Variants in PCDH11X observed in about 807,000 individuals in gnomAD.
PCDH11X encodes protocadherin 11 X-linked, also known as protocadherin-11 X-linked.
PCDH11X carries 18 observed loss-of-function variants against 53.3 expected under a neutral mutation model. The observed-to-expected ratio is 0.34, with a 90% CI of 0.23 to 0.50. The LOEUF (loss-of-function observed/expected upper bound fraction) is 0.50, where lower values mean the gene tolerates loss of function less well. Among genes scored for constraint, PCDH11X ranks in the 20% least tolerant of loss-of-function variants. The pLI is 0.98. For synonymous variants in PCDH11X, 279 were observed against 393.3 expected (o/e 0.71, Z 3.44); for missense variants, 570 against 1,032.4 (o/e 0.55, Z 6.14).
At chrX:92,067,048 G>A (rs1289130750) in intron 6 of PCDH11X, among the ~76,000 whole-genome samples, 6 of 112,309 alleles carry the variant, frequency 5.3e-5, no homozygotes, top group Non-Finnish European at 9.4e-5. Flanking sequence ...AGGTTGCAGT[G>A]AGCCAGGCTC....
At chrX:92,210,914 T>C (rs1569422892) in intron 7 of PCDH11X, among the ~76,000 whole-genome samples, 1 of 111,780 alleles carries the variant, frequency 8.9e-6, no homozygotes. Flanking sequence ...TATCCACATT[T>C]TGGCCACAAC....
chrX:91,874,512 A>T (rs1169625603), intron 5 of PCDH11X, among the ~76,000 whole-genome samples: 9 of 110,264 alleles, frequency 8.2e-5, no homozygotes. Flanking sequence ...CTCTTGTGAA[A>T]TTTTTTTTTA....
At chrX:91,923,894 T>TG (rs1265016621) in intron 6 of PCDH11X, among the ~76,000 whole-genome samples, 4 of 109,164 alleles carry the variant, frequency 3.7e-5, no homozygotes, top group African/African-American at 1.3e-4. Context: ...ACTACTAGAG[T>TG]GGGGGGGAGC....
chrX:91,990,370 G>A (rs2062302487), intron 6 of PCDH11X, among the ~76,000 whole-genome samples: 1 of 98,427 alleles, frequency 1.0e-5, no homozygotes, highest in Admixed American at 1.1e-4. Context: ...TTGTTTCAAT[G>A]TGTTTGTGGT....
intron 6 of PCDH11X, among the ~76,000 whole-genome samples, chrX:92,051,069 G>A (rs191640424): frequency 5.4e-4 from 60 of 111,952 alleles, no homozygotes; most frequent in Non-Finnish European, 1.0e-3. Context: ...CAAATCATGA[G>A]TTACAGGATT....
At chrX:92,285,921 C>G (rs1245101584) in intron 8 of PCDH11X, among the ~76,000 whole-genome samples, 1 of 111,784 alleles carries the variant, frequency 8.9e-6, no homozygotes, top group African/African-American at 3.3e-5. Context: ...AGGGATGGGC[C>G]GAAACAAAGG....
At chrX:91,996,007 A>AT (rs1427072097) in intron 6 of PCDH11X, among the ~76,000 whole-genome samples, 2 of 104,984 alleles carry the variant, frequency 1.9e-5, no homozygotes, top group Non-Finnish European at 3.9e-5. Flanking sequence ...CGCCTGGCTA[A>AT]TTTTTTGTAT....
At chrX:92,042,540 A>G (rs1014727001) in intron 6 of PCDH11X, among the ~76,000 whole-genome samples, 1 of 105,725 alleles carries the variant, frequency 9.5e-6, no homozygotes, top group African/African-American at 3.5e-5. Flanking sequence ...TTTTCTCTCA[A>G]TGAACTACAT....
intron 10 of PCDH11X, among the ~76,000 whole-genome samples, chrX:92,515,705 C>A (rs1208745203): frequency 9.0e-6 from 1 of 110,709 alleles, no homozygotes; most frequent in Non-Finnish European, 1.9e-5. Context: ...ATGTTTCCAT[C>A]AAAAAAGGGT....
chrX:92,369,197 C>T (rs1229002826), intron 8 of PCDH11X, among the ~76,000 whole-genome samples: 1 of 108,686 alleles, frequency 9.2e-6, no homozygotes, highest in Middle Eastern at 4.2e-3. Flanking sequence ...GTTGCCTTTC[C>T]TTCAGAGATG....
At chrX:91,949,814 A>G (rs985510471) in intron 6 of PCDH11X, among the ~76,000 whole-genome samples, 4 of 108,958 alleles carry the variant, frequency 3.7e-5, no homozygotes, top group African/African-American at 1.0e-4. Context: ...AATTGGTACT[A>G]TAAAATTTCA....
At chrX:92,205,926 C>T (rs1166061215) in intron 7 of PCDH11X, among the ~76,000 whole-genome samples, 1 of 111,713 alleles carries the variant, frequency 9.0e-6, no homozygotes, top group Non-Finnish European at 1.9e-5. Context: ...TTTATCTAAC[C>T]AAGTAGTTAT....
At chrX:92,259,561 G>A (rs1308671919) in intron 7 of PCDH11X, among the ~76,000 whole-genome samples, 2 of 111,612 alleles carry the variant, frequency 1.8e-5, no homozygotes, top group Non-Finnish European at 3.8e-5. Context: ...CCATTCACAA[G>A]AACGCCATTT....
chrX:92,142,370 G>GCGCACACACACACA (rs1341736624), intron 6 of PCDH11X, among the ~76,000 whole-genome samples: 1 of 95,571 alleles, frequency 1.0e-5, no homozygotes, highest in African/African-American at 4.0e-5. Flanking sequence ...GTGCGCGCGC[G>GCGCACACACACACA]CACACACACA....
intron 7 of PCDH11X, among the ~76,000 whole-genome samples, chrX:92,212,699 G>A (rs1339691899): frequency 1.8e-5 from 2 of 111,571 alleles, no homozygotes; most frequent in East Asian, 5.7e-4. Flanking sequence ...AATTCACTGG[G>A]GTCACAAAAT....
intron 1 of PCDH11X, among the ~76,000 whole-genome samples, chrX:91,802,147 AGTT>A (rs931400758): frequency 4.4e-5 from 5 of 113,104 alleles, no homozygotes; most frequent in African/African-American, 1.6e-4. Flanking sequence ...TGTCTATCTA[AGTT>A]GTTGTTGGCA....
chrX:92,556,584 A>G (rs970657660), intron 10 of PCDH11X, among the ~76,000 whole-genome samples: 1 of 111,939 alleles, frequency 8.9e-6, no homozygotes, highest in Non-Finnish European at 1.9e-5. Context: ...GTGGACTCTC[A>G]TGGTCTTAGG....
chrX:92,507,966 C>A (rs1483368662), intron 10 of PCDH11X, among the ~76,000 whole-genome samples: 1 of 109,146 alleles, frequency 9.2e-6, no homozygotes, highest in Non-Finnish European at 1.9e-5. Flanking sequence ...GCGCCCGCCA[C>A]CATACATGAC....
At chrX:92,258,517 G>A (rs920683154) in intron 7 of PCDH11X, among the ~76,000 whole-genome samples, 16 of 109,689 alleles carry the variant, frequency 1.5e-4, no homozygotes, top group African/African-American at 4.3e-4. Flanking sequence ...ACAGGCGCCC[G>A]CCACCATGCC....
Sources: gnomAD v4.1 joint callset for allele counts (sites outside exome capture counted in the v4.1 genomes callset) on GRCh38, gnomAD v4.1.1 for gene constraint, MANE v1.5 for transcripts, NCBI Gene and HGNC (gene_info 2026-07-23, HGNC 2026-07-21) for gene names.